AHI1: variants seen among roughly 807,000 people sequenced by gnomAD.
AHI1 encodes the protein Abelson helper integration site 1.
A neutral mutation model predicts 149.3 loss-of-function variants in AHI1; 123 were observed. The ratio of observed to expected loss-of-function variants is 0.82; its 90% CI spans 0.71 to 0.96. The LOEUF is 0.96. AHI1 is among the 40% of genes least tolerant of loss of function. The pLI is 0.00. For synonymous variants in AHI1, 475 were observed against 459.8 expected (o/e 1.03, Z -0.42); for missense variants, 1,439 against 1,422.7 (o/e 1.01, Z -0.18).
intron 26 of AHI1, among the ~76,000 whole-genome samples, chr6:135,311,180 T>C (rs1040201002): frequency 6.6e-6 from 1 of 151,506 alleles, no homozygotes; most frequent in Non-Finnish European, 1.5e-5. Flanking sequence ...CCCACATCTG[T>C]AGTCCAAGCC....
At position 135,346,644 on chromosome 6, in the gene AHI1, G is replaced by T. The variant is rs563224503; in HGVS notation, c.3165+11488C>A. Among the ~76,000 whole-genome samples, 282 of 152,228 alleles carry T rather than the reference G, an allele frequency of 1.9e-3. 1 individual carries two copies. The highest frequency in any genetic ancestry group is 6.6e-3 in the African/African-American group (274 of 41,536). ...GACAGTCATTCATGCTTGAACATGAGCTGAAACTTAAGTGTATACAGTGAG... is the reference window on the plus strand; with the variant it reads ...GACAGTCATTCATGCTTGAACATGATCTGAAACTTAAGTGTATACAGTGAG... On this transcript the variant is annotated intron_variant, in intron 24 of 28. Coordinates refer to ENST00000265602, the MANE Select transcript of AHI1 (RefSeq NM_001134831.2).
chr6:135,287,553 G>A (rs1370337796), intron 28 of AHI1, among the ~76,000 whole-genome samples: 1 of 152,214 alleles, frequency 6.6e-6, no homozygotes, highest in Non-Finnish European at 1.5e-5. Context: ...CAGCAGGGAT[G>A]TGCTGAAAGA....
At position 135,490,213 on chromosome 6, in the gene AHI1, A is replaced by G. The variant is rs1795059754; in HGVS notation, c.135+410T>C. The G allele has an allele frequency of 4.1e-6, 3 of 725,426 alleles. No homozygotes were observed. In the East Asian group the frequency reaches 7.7e-5, roughly 19 times the overall value. The allele number at this position is 725,426 out of a possible 1,614,324, so 44.9% of individuals were successfully genotyped here. A position where few individuals can be genotyped will look rare whatever the true frequency, so the allele number is the denominator to read the frequency against. ...GATAATTATTACCATACGGCCATTG[A>G]TTTCTCCTGGTTCTGTTGGGTAGAA... On this transcript the variant is annotated intron_variant, in intron 5 of 28. Coordinates refer to ENST00000265602, the MANE Select transcript of AHI1 (RefSeq NM_001134831.2).
In AHI1 at chr6:135,466,236, T is replaced by A. The variant is rs1790735520; in HGVS notation, c.327A>T (p.Glu109Asp). ...NKLRNTQLAT[E>D]NPNGDASVEE... The stretch of plus-strand genomic sequence containing the variant: ...CTACACTAGCATCACCATTAGGATT[T>A]TCAGTTGCTAACTGTGTGTTCCTCA... The change falls in exon 7 of 29, where the codon GAA becomes GAT. Residue 109 changes from glutamate to aspartate, a missense_variant. Physicochemically the swap from Glu to Asp is conservative, Grantham distance 45 (BLOSUM62 2). Transcript: ENST00000265602. 1.2e-6 allele frequency: 2 copies of A among 1,614,014 alleles called. No individual in the cohort carries two copies. The highest frequency in any genetic ancestry group is 1.7e-6 in the Non-Finnish European group (2 of 1,179,878).
intron 24 of AHI1, among the ~76,000 whole-genome samples, chr6:135,354,089 T>C (rs1008259594): frequency 1.3e-5 from 2 of 152,162 alleles, no homozygotes; most frequent in African/African-American, 4.8e-5. Flanking sequence ...CCTGTTGTGA[T>C]AGATGTGTAG....
At chr6:135,402,297 C>T (rs982031797) in intron 22 of AHI1, among the ~76,000 whole-genome samples, 1 of 152,052 alleles carries the variant, frequency 6.6e-6, no homozygotes, top group African/African-American at 2.4e-5. Flanking sequence ...TACCATATTA[C>T]CCAACAGTTC....
intron 26 of AHI1, among the ~76,000 whole-genome samples, chr6:135,303,735 C>A (rs913390540): frequency 6.6e-6 from 1 of 152,092 alleles, no homozygotes; most frequent in Admixed American, 6.5e-5. Flanking sequence ...ATTTTCAATA[C>A]AATTTTATTC....
intron 22 of AHI1, among the ~76,000 whole-genome samples, chr6:135,402,656 C>G (rs565590306): frequency 6.6e-6 from 1 of 152,060 alleles, no homozygotes; most frequent in African/African-American, 2.4e-5. Context: ...CAAGACCAAA[C>G]CCTCATTTTC....
intron 15 of AHI1, among the ~76,000 whole-genome samples, chr6:135,433,469 T>C (rs1784944269): frequency 6.6e-6 from 1 of 152,180 alleles, no homozygotes; most frequent in African/African-American, 2.4e-5. Context: ...TTATAGTTAT[T>C]ATCCAGCATA....
chr6:135,435,682 A>G (rs1785292538), intron 15 of AHI1, among the ~76,000 whole-genome samples: 1 of 152,246 alleles, frequency 6.6e-6, no homozygotes, highest in Admixed American at 6.5e-5. Context: ...TCTTTTAAAA[A>G]ATTAAGGCAT....
chr6:135,324,626 TAA>T (rs1582582827), intron 24 of AHI1, among the ~76,000 whole-genome samples: 2 of 151,472 alleles, frequency 1.3e-5, no homozygotes, highest in East Asian at 3.9e-4. Context: ...AAGAGAAACC[TAA>T]GAGTCCCATG....
intron 26 of AHI1, chr6:135,302,036 G>A: frequency 5.1e-6 from 5 of 974,132 alleles, no homozygotes; most frequent in Non-Finnish European, 6.1e-6. Context: ...TTGTTGCTCA[G>A]GCTGGAGTAC....
intron 6 of AHI1, 72 bp from the exon 7 acceptor site, chr6:135,466,445 T>A (rs1299961485): frequency 1.5e-6 from 2 of 1,312,130 alleles, no homozygotes. Context: ...AACCTAATAA[T>A]TAATATTTGA....
At position 135,373,977 on chromosome 6, in the gene AHI1, G is replaced by A. The variant is rs115895442; in HGVS notation, c.3110-15790C>T. The stretch of plus-strand genomic sequence containing the variant: ...GATCTTTCTATATAGAACAGAGATA[G>A]AATTATGGTTTGATTATCTGTGCCT... On this transcript the variant is annotated intron_variant, in intron 23 of 28. Coordinates refer to ENST00000265602, the MANE Select transcript of AHI1 (RefSeq NM_001134831.2). 6.4e-3 allele frequency among the ~76,000 whole-genome samples: 967 copies of A among 150,982 alleles called. 17 individuals carry two copies. Among genetic ancestry groups the A allele is most frequent in the African/African-American group, 0.022 (922 of 41,132 alleles).
rs139350146 is a variant in AHI1, at chr6:135,419,037, A to G, written c.2765-7493T>C. On this transcript the variant is annotated intron_variant, in intron 20 of 28. Coordinates refer to ENST00000265602, the MANE Select transcript of AHI1 (RefSeq NM_001134831.2). ...AGGTGATGGATCCAAGAAGTTCTAT[A>G]GACTTAACACTTCAATTCTGGTAGC... Among the ~76,000 whole-genome samples the G allele has an allele frequency of 3.8e-3, 569 of 151,256 alleles. 6 individuals are homozygous for G. The highest frequency in any genetic ancestry group is 0.013 in the African/African-American group (551 of 41,168).
intron 23 of AHI1, among the ~76,000 whole-genome samples, chr6:135,382,362 T>C (rs1451451680): frequency 6.6e-6 from 1 of 152,240 alleles, no homozygotes; most frequent in Non-Finnish European, 1.5e-5. Flanking sequence ...TTTAAAATTC[T>C]AGAAAATACA....
chr6:135,369,803 A>G (rs1774758033), intron 23 of AHI1, among the ~76,000 whole-genome samples: 1 of 151,924 alleles, frequency 6.6e-6, no homozygotes, highest in African/African-American at 2.4e-5. Flanking sequence ...CATCTAATGA[A>G]TTTTCATTTT....
chr6:135,380,325 C>T (rs907373908), intron 23 of AHI1, among the ~76,000 whole-genome samples: 7 of 151,868 alleles, frequency 4.6e-5, no homozygotes, highest in African/African-American at 7.3e-5. Context: ...CTATACAATA[C>T]GGGACAACTA....
In AHI1 at chr6:135,490,293, A is replaced by G. The variant is rs964870163; in HGVS notation, c.135+330T>C. The stretch of plus-strand genomic sequence containing the variant: ...GCTATTCAATATCTGAAGTTAAGAT[A>G]CTACTTCCTAAGTTCTTCACAATTC... On this transcript the variant is annotated intron_variant, in intron 5 of 28. Coordinates refer to ENST00000265602, the MANE Select transcript of AHI1 (RefSeq NM_001134831.2). 30 of 707,536 alleles carry G rather than the reference A, an allele frequency of 4.2e-5. No individual in the cohort carries two copies. In the African/African-American group the frequency reaches 4.8e-4, roughly 11 times the overall value. The allele number at this position is 707,536 out of a possible 1,614,324, so 43.8% of individuals were successfully genotyped here.
Sources: allele counts gnomAD v4.1 joint callset (sites outside exome capture counted in the v4.1 genomes callset), GRCh38; gene constraint gnomAD v4.1.1; transcripts MANE v1.5; gene names NCBI Gene and HGNC (gene_info 2026-07-23, HGNC 2026-07-21).